The following SFI1 variants were observed in gnomAD, a reference collection of about 807,000 sequenced individuals.
SFI1 encodes SFI1 centrin binding protein.
Under a neutral mutation model 207.5 loss-of-function variants are expected in SFI1, and 195 were observed. That is an observed-to-expected ratio of 0.94 (90% CI 0.84 to 1.06). The LOEUF (loss-of-function observed/expected upper bound fraction) is 1.06. Among genes scored for constraint, SFI1 ranks in the 50% least tolerant of loss-of-function variants. The pLI is 0.00. For missense variants in SFI1, 1,634 were observed against 1,588.0 expected (o/e 1.03, Z -0.49); for synonymous variants, 630 against 598.9 (o/e 1.05, Z -0.76).
chr22:31,542,974 T>C (rs949481789), intron 4 of SFI1, among the ~76,000 whole-genome samples: 23 of 138,698 alleles, frequency 1.7e-4, no homozygotes, highest in Non-Finnish European at 3.0e-4. Flanking sequence ...ATTTTTTTTT[T>C]CTTTTTTTTT....
intron 1 of SFI1, among the ~76,000 whole-genome samples, chr22:31,499,287 C>T (rs1009560775): frequency 6.6e-6 from 1 of 152,048 alleles, no homozygotes; most frequent in East Asian, 1.9e-4. Context: ...CTCCGCCTCC[C>T]GGGTTCAAGT....
At chr22:31,608,086 TTGTGGAGATCCC>T (rs2147167904) in intron 22 of SFI1, 53 bp downstream of exon 22, 1 of 1,422,802 alleles carries the variant, frequency 7.0e-7, no homozygotes, top group African/African-American at 1.4e-5. Context: ...GACAGCGCTG[TTGTGGAGATCCC>T]TGTGGCCCGC....
Position 31,613,163 on chromosome 22 carries a change from C to T in SFI1, c.2512C>T (p.Gln838Ter), listed in dbSNP as rs1453020129. 6.2e-7 allele frequency: 1 copy of T among 1,613,680 alleles called. No individual in the cohort carries two copies. Among genetic ancestry groups the T allele is most frequent in the Non-Finnish European group, 8.5e-7 (1 of 1,180,006 alleles). ...CTAGCTGGCAGCCAGGAGGCAGGAG[C>T]AGCGGGCGACAGTGCGGGCCCTGTG... ...RQQLAARRQE[Q>*]RATVRALWFW... Residue 838 changes from glutamine (Q) to a stop codon, truncating the protein, a stop_gained, in exon 25 of 33, where the codon CAG (glutamine) becomes TAG (stop). Transcript: ENST00000400288. LOFTEE classifies it high-confidence loss of function.
At chr22:31,607,773 T>C (rs1360999459) in intron 21 of SFI1, 164 bp from the exon 22 acceptor site, 1 of 557,200 alleles carries the variant, frequency 1.8e-6, no homozygotes. Context: ...CCTGTCCTAT[T>C]GCTCAGTGGT....
In SFI1 at chr22:31,602,797, GT is replaced by G. The variant is rs2068325758; in HGVS notation, c.1805+14del. On this transcript the variant is annotated intron_variant, in intron 17 of 32. Transcript: ENST00000400288. ...GGGCTCAGAACAGAGTGAGTGGCCA[GT>G]TCTGCCTTACAAGCCTTTCCATCAC... is the stretch of plus-strand genomic sequence containing the variant. 3 of 1,611,078 alleles carry G rather than the reference GT, an allele frequency of 1.9e-6. No homozygotes were observed. Among genetic ancestry groups the G allele is most frequent in the Admixed American group, 3.3e-5 (2 of 59,844 alleles).
chr22:31,519,849 G>A (rs550820733), intron 2 of SFI1, among the ~76,000 whole-genome samples: 1 of 152,206 alleles, frequency 6.6e-6, no homozygotes, highest in African/African-American at 2.4e-5. Context: ...TGGGATGATA[G>A]GCATGAGTCA....
chr22:31,589,705 T>A, intron 15 of SFI1, 128 bp downstream of exon 15: 1 of 895,382 alleles, frequency 1.1e-6, no homozygotes, highest in Non-Finnish European at 1.6e-6. Flanking sequence ...GGATTTTCAG[T>A]AATGTGGGCT....
chr22:31,542,583 G>A (rs1056739714), intron 4 of SFI1, among the ~76,000 whole-genome samples: 1 of 152,116 alleles, frequency 6.6e-6, no homozygotes, highest in African/African-American at 2.4e-5. Flanking sequence ...AACTGAGATC[G>A]TGCCATTGCA....
chr22:31,548,802 C>T (rs1437220371), intron 5 of SFI1, among the ~76,000 whole-genome samples: 1 of 150,436 alleles, frequency 6.6e-6, no homozygotes, highest in African/African-American at 2.5e-5. Context: ...GAGTGAGACT[C>T]TGTCTCAAAA....
intron 11 of SFI1, among the ~76,000 whole-genome samples, chr22:31,578,790 G>T (rs1424374932): frequency 6.6e-6 from 1 of 152,110 alleles, no homozygotes; most frequent in Non-Finnish European, 1.5e-5. Flanking sequence ...CAGGGAGTCC[G>T]TCCCTGTTCT....
chr22:31,618,517 A>G lies in SFI1; in HGVS notation c.*99A>G, dbSNP rs2072238006. ...TTTAAGTTTGATTTTTTTTATTTCA[A>G]AATGCTTTGCAATTAAATGAATTAC... On this transcript the variant is annotated 3_prime_UTR_variant, in exon 33 of 33. Coordinates refer to ENST00000400288, the MANE Select transcript of SFI1 (RefSeq NM_001007467.3). 1.6e-6 allele frequency: 2 copies of G among 1,216,098 alleles called. No homozygotes were observed. Among genetic ancestry groups the G allele is most frequent in the Non-Finnish European group, 2.2e-6 (2 of 919,312 alleles). 75.3% of individuals were successfully genotyped at this position (1,216,098 alleles called of 1,614,324 possible).
intron 4 of SFI1, among the ~76,000 whole-genome samples, chr22:31,546,589 G>A (rs990379500): frequency 6.6e-6 from 1 of 151,376 alleles, no homozygotes; most frequent in Admixed American, 6.6e-5. Context: ...CAAAGTACTG[G>A]GATTACAGGT....
Position 31,602,129 on chromosome 22 carries a change from T to C in SFI1, c.1545-83T>C, listed in dbSNP as rs181588541. 281 of 1,207,230 alleles carry C rather than the reference T, an allele frequency of 2.3e-4. 3 individuals are homozygous for C. The East Asian group carries it at 6.2e-3, about 27-fold the overall frequency. The allele number at this position is 1,207,230 out of a possible 1,614,324, so 74.8% of individuals were successfully genotyped here. ...CGATAGCATGGTATAAAAGGAAAAA[T>C]CCAATTATTTGGAACTTCTAGTTCT... is the stretch of plus-strand genomic sequence containing the variant. On this transcript the variant is annotated intron_variant, in intron 15 of 32. Transcript: ENST00000400288.
chr22:31,617,817 G>A (rs1603384013), intron 31 of SFI1, among the ~76,000 whole-genome samples: 2 of 152,286 alleles, frequency 1.3e-5, no homozygotes, highest in Admixed American at 1.3e-4. Flanking sequence ...GAGCTTCCAG[G>A]GCAACAGACT....
chr22:31,505,597 A>T (rs2054511187), intron 1 of SFI1, among the ~76,000 whole-genome samples: 1 of 151,764 alleles, frequency 6.6e-6, no homozygotes, highest in Admixed American at 6.6e-5. Context: ...CTCCAGCCTG[A>T]GTGACAGAGT....
chr22:31,535,005 C>G (rs138742516), intron 4 of SFI1, among the ~76,000 whole-genome samples: 1 of 151,564 alleles, frequency 6.6e-6, no homozygotes, highest in Non-Finnish European at 1.5e-5. Context: ...TTCCACATAG[C>G]TGGGACTACA....
At chr22:31,500,780 G>A (rs1312924626) in intron 1 of SFI1, among the ~76,000 whole-genome samples, 2 of 149,708 alleles carry the variant, frequency 1.3e-5, no homozygotes, top group Non-Finnish European at 3.0e-5. Context: ...TTTTGTGTGT[G>A]TGTGTTTGTT....
At chr22:31,551,782 A>G (rs1036083535) in intron 6 of SFI1, among the ~76,000 whole-genome samples, 1 of 152,150 alleles carries the variant, frequency 6.6e-6, no homozygotes, top group African/African-American at 2.4e-5. Flanking sequence ...TGGCTGTGCC[A>G]TTTTGCATTC....
chr22:31,569,947 CAAAA>C (rs71202099), intron 8 of SFI1, among the ~76,000 whole-genome samples: 180 of 131,264 alleles, frequency 1.4e-3, no homozygotes, highest in African/African-American at 3.9e-3. Context: ...GAACCTATCT[CAAAA>C]AAAAAAAAAA....
Sources: gnomAD v4.1 joint callset for allele counts (sites outside exome capture counted in the v4.1 genomes callset) on GRCh38, gnomAD v4.1.1 for gene constraint, MANE v1.5 for transcripts, NCBI Gene and HGNC (gene_info 2026-07-23, HGNC 2026-07-21) for gene names.